LINGO2: variants seen among roughly 807,000 people sequenced by gnomAD.
The protein encoded by LINGO2 is leucine rich repeat and Ig domain containing 2.
A neutral mutation model predicts 30.6 loss-of-function variants in LINGO2; 14 were observed. That is an observed-to-expected ratio of 0.46 (90% CI 0.30 to 0.72). The LOEUF is 0.72. Ranked by LOEUF, LINGO2 falls within the 30% of genes least tolerant of loss-of-function variation. LINGO2 has a pLI of 0.07. For synonymous variants in LINGO2, 317 were observed against 288.5 expected (o/e 1.10, Z -1.00); for missense variants, 729 against 751.7 (o/e 0.97, Z 0.35).
intron 5 of LINGO2, among the ~76,000 whole-genome samples, chr9:28,007,176 C>T (rs1214138600): frequency 6.6e-6 from 1 of 152,082 alleles, no homozygotes. Context: ...GTCATCTAGC[C>T]CAACTCCTTA....
chr9:29,005,074 C>T, the LINGO2 span, among the ~76,000 whole-genome samples: 3 of 151,906 alleles, frequency 2.0e-5, no homozygotes, highest in South Asian at 2.1e-4. Flanking sequence ...TATGTGTTTG[C>T]TCATATGTAT....
intron 3 of LINGO2, among the ~76,000 whole-genome samples, chr9:28,306,759 C>T (rs1456504127): frequency 6.6e-6 from 1 of 151,992 alleles, no homozygotes; most frequent in Non-Finnish European, 1.5e-5. Flanking sequence ...CACCACTGAT[C>T]CCACAGAAAT....
At chr9:28,331,696 G>C (rs1825425135) in intron 3 of LINGO2, among the ~76,000 whole-genome samples, 1 of 152,088 alleles carries the variant, frequency 6.6e-6, no homozygotes, top group South Asian at 2.1e-4. Flanking sequence ...TTTAGAGACA[G>C]AGTTTCACCA....
At chr9:28,506,200 T>A (rs1820103016) in intron 1 of LINGO2, among the ~76,000 whole-genome samples, 1 of 151,454 alleles carries the variant, frequency 6.6e-6, no homozygotes, top group East Asian at 1.9e-4. Context: ...CACTTTGAAC[T>A]TCTGTTCCAC....
chr9:28,362,730 A>C (rs1002924158), intron 3 of LINGO2, among the ~76,000 whole-genome samples: 2 of 152,136 alleles, frequency 1.3e-5, no homozygotes, highest in Non-Finnish European at 2.9e-5. Context: ...TCAGCCTCCA[A>C]AGTGCAGGGA....
the LINGO2 span, among the ~76,000 whole-genome samples, chr9:29,065,254 T>C: frequency 6.6e-6 from 1 of 152,196 alleles, no homozygotes; most frequent in Non-Finnish European, 1.5e-5. Context: ...TATTTTGCTG[T>C]GTAGAAGCTC....
intron 1 of LINGO2, among the ~76,000 whole-genome samples, chr9:28,538,348 G>A (rs1459104071): frequency 2.0e-5 from 3 of 152,082 alleles, no homozygotes; most frequent in Non-Finnish European, 4.4e-5. Flanking sequence ...TGGAAGATGA[G>A]ACTGGTGATT....
chr9:28,372,661 G>T (rs1820950123), intron 3 of LINGO2, among the ~76,000 whole-genome samples, 175 bp downstream of exon 5: 1 of 151,982 alleles, frequency 6.6e-6, no homozygotes, highest in Non-Finnish European at 1.5e-5. Context: ...ATTGCTAAGA[G>T]GATAAATTTC....
At chr9:28,242,424 GA>G (rs1006554646) in intron 4 of LINGO2, among the ~76,000 whole-genome samples, 2 of 151,480 alleles carry the variant, frequency 1.3e-5, no homozygotes, top group Non-Finnish European at 2.9e-5. Flanking sequence ...AGATTAAAGA[GA>G]AAAAAAATAA....
intron 4 of LINGO2, among the ~76,000 whole-genome samples, chr9:28,053,263 C>A (rs1048357758): frequency 6.6e-6 from 1 of 152,024 alleles, no homozygotes; most frequent in Admixed American, 6.6e-5. Flanking sequence ...GAGAGAGGGG[C>A]TCAGGCAGCA....
intron 4 of LINGO2, among the ~76,000 whole-genome samples, chr9:28,150,443 G>T (rs1357438421): frequency 6.6e-6 from 1 of 152,214 alleles, no homozygotes; most frequent in African/African-American, 2.4e-5. Context: ...AATTAGGCCG[G>T]CATGGCGGTT....
chr9:29,188,014 CTT>C, the LINGO2 span, among the ~76,000 whole-genome samples: 3,070 of 75,602 alleles, frequency 0.041, 30 homozygotes, highest in Admixed American at 0.063. Flanking sequence ...TTGACAGAGT[CTT>C]TTTTTTTTTT....
At chr9:28,671,602 G>A (rs1022320806), upstream of LINGO2, among the ~76,000 whole-genome samples, 2 of 151,176 alleles carry the variant, frequency 1.3e-5, no homozygotes. Flanking sequence ...GAGAATACAC[G>A]GATACAAAGA....
At chr9:28,443,884 C>G (rs926395318) in intron 2 of LINGO2, among the ~76,000 whole-genome samples, 1 of 152,242 alleles carries the variant, frequency 6.6e-6, no homozygotes, top group Middle Eastern at 3.4e-3. Context: ...CAATCTGAAG[C>G]CTGGGTCTGG....
chr9:28,428,148 TG>T (rs1823488801), intron 2 of LINGO2, among the ~76,000 whole-genome samples: 1 of 152,062 alleles, frequency 6.6e-6, no homozygotes, highest in Admixed American at 6.6e-5. Flanking sequence ...GTTATAGCCA[TG>T]TATCACTCCT....
intron 4 of LINGO2, among the ~76,000 whole-genome samples, chr9:28,079,281 A>G (rs1825710647): frequency 6.6e-6 from 1 of 152,156 alleles, no homozygotes. Context: ...CAAAAACACC[A>G]GGGTTTTAGG....
At chr9:28,675,782 A>G in the LINGO2 span, among the ~76,000 whole-genome samples, 1 of 151,004 alleles carries the variant, frequency 6.6e-6, no homozygotes, top group African/African-American at 2.4e-5. Context: ...GAGGCAGGAG[A>G]ATTGCTTGAA....
intron 4 of LINGO2, among the ~76,000 whole-genome samples, chr9:28,100,338 C>A (rs961817035): frequency 9.2e-5 from 14 of 152,074 alleles, no homozygotes; most frequent in African/African-American, 3.1e-4. Context: ...TATGCAGAGA[C>A]AAATGCAATG....
intron 2 of LINGO2, among the ~76,000 whole-genome samples, chr9:28,384,366 A>AT (rs1015907300): frequency 6.0e-5 from 6 of 99,498 alleles, no homozygotes; most frequent in East Asian, 5.6e-4. Flanking sequence ...TGTATGTGTG[A>AT]TTTTTTAACT....
Sources: allele counts gnomAD v4.1 joint callset (sites outside exome capture counted in the v4.1 genomes callset), GRCh38; gene constraint gnomAD v4.1.1; transcripts MANE v1.5; gene names NCBI Gene and HGNC (gene_info 2026-07-23, HGNC 2026-07-21).